The following SMS variants were observed in gnomAD, a reference collection of about 807,000 sequenced individuals.
SMS encodes the protein spermine synthase, also known as spermidine aminopropyltransferase.
In SMS, 3 loss-of-function variants were observed where a neutral mutation model predicts 33.0. That is an observed-to-expected ratio of 0.09 (90% CI 0.04 to 0.23). The LOEUF (loss-of-function observed/expected upper bound fraction) is 0.23, where lower values mean the gene tolerates loss of function less well. SMS is among the 10% of genes least tolerant of loss of function. The pLI is 1.00. For synonymous variants in SMS, 103 were observed against 112.2 expected (o/e 0.92, Z 0.52); for missense variants, 117 against 288.6 (o/e 0.41, Z 4.31).
chrX:21,943,032 A>G (rs1921934388), intron 1 of SMS, among the ~76,000 whole-genome samples: 1 of 109,733 alleles, frequency 9.1e-6, no homozygotes, highest in Non-Finnish European at 1.9e-5. Flanking sequence ...TTTAAAGTAG[A>G]GACAGGGTTT....
chrX:21,960,356 C>A (rs2147501229), intron 1 of SMS, among the ~76,000 whole-genome samples: 1 of 107,388 alleles, frequency 9.3e-6, no homozygotes, highest in African/African-American at 3.4e-5. Flanking sequence ...TGCTCCTTGA[C>A]CATGAGAGAG....
intron 1 of SMS, among the ~76,000 whole-genome samples, chrX:21,942,143 G>A (rs1366180386): frequency 9.1e-6 from 1 of 110,139 alleles, no homozygotes; most frequent in Admixed American, 9.7e-5. Flanking sequence ...GGAGTGTCTC[G>A]CTCATACCTT....
chrX:21,956,940 G>C (rs1009537820), intron 1 of SMS, among the ~76,000 whole-genome samples: 3 of 111,912 alleles, frequency 2.7e-5, no homozygotes, highest in Non-Finnish European at 5.6e-5. Context: ...AGGCACTTTA[G>C]TGTTAGGAAA....
Position 21,956,189 on chromosome X carries a change from G to A in SMS, c.50-11007G>A, listed in dbSNP as rs770039321. Among the ~76,000 whole-genome samples the A allele has an allele frequency of 1.7e-4, 19 of 112,764 alleles. No homozygotes were observed. The East Asian group carries it at 2.5e-3, about 15-fold the overall frequency. On this transcript the variant is annotated intron_variant, in intron 1 of 10. Transcript: ENST00000404933. Reference sequence around the variant, plus strand: ...ATGTTTGCATGAAAAGAGCTTGGGTGTCATTTCTGTGTTGGTGTTGTGTTT... The same window carrying A: ...ATGTTTGCATGAAAAGAGCTTGGGTATCATTTCTGTGTTGGTGTTGTGTTT...
At chrX:21,973,427 A>ACT (rs1367998061) in intron 4 of SMS, among the ~76,000 whole-genome samples, 1 of 112,534 alleles carries the variant, frequency 8.9e-6, no homozygotes, top group Non-Finnish European at 1.9e-5. Flanking sequence ...ACAGAGTGAA[A>ACT]CTCGCCTCAA....
At chrX:21,973,853 C>T (rs190076873) in intron 4 of SMS, among the ~76,000 whole-genome samples, 394 of 113,260 alleles carry the variant, frequency 3.5e-3, no homozygotes, top group African/African-American at 0.012. Flanking sequence ...CGGACACTGC[C>T]GAAGTGTTTG....
chrX:21,953,890 ATTT>A (rs10599284), intron 1 of SMS, among the ~76,000 whole-genome samples: 14,541 of 90,041 alleles, frequency 0.16, 898 homozygotes, highest in Non-Finnish European at 0.18. Flanking sequence ...AATTTTATTG[ATTT>A]TTTTTTTTTT....
intron 5 of SMS, among the ~76,000 whole-genome samples, chrX:21,977,459 T>G (rs1569351323): frequency 8.9e-6 from 1 of 111,767 alleles, no homozygotes; most frequent in African/African-American, 3.3e-5. Flanking sequence ...TTGGATTGTA[T>G]TTCAAAAGAA....
chrX:21,947,376 G>C (rs757465572), intron 1 of SMS, among the ~76,000 whole-genome samples: 13 of 111,281 alleles, frequency 1.2e-4, no homozygotes, highest in Non-Finnish European at 2.4e-4. Flanking sequence ...AGGGGGGTGA[G>C]TTCCTGGATT....
At chrX:21,947,398 A>G (rs1166108707) in intron 1 of SMS, among the ~76,000 whole-genome samples, 2 of 111,397 alleles carry the variant, frequency 1.8e-5, no homozygotes, top group Non-Finnish European at 3.8e-5. Context: ...TGCATTTTTA[A>G]TCATCTGCCT....
In SMS at chrX:21,959,586, T is replaced by C. The variant is rs192862008; in HGVS notation, c.50-7610T>C. Reference sequence around the variant, plus strand: ...TGTACCAGTTCTGAGTTTTGACCAATGCATACAGTTGTGTAACCACCACTA... The same window carrying C: ...TGTACCAGTTCTGAGTTTTGACCAACGCATACAGTTGTGTAACCACCACTA... On this transcript the variant is annotated intron_variant, in intron 1 of 10. Transcript: ENST00000404933. Among the ~76,000 whole-genome samples, 294 of 112,766 alleles carry C rather than the reference T, an allele frequency of 2.6e-3. 3 individuals carry two copies. Among genetic ancestry groups the C allele is most frequent in the African/African-American group, 9.1e-3 (281 of 31,039 alleles).
At chrX:21,964,291 G>C (rs1360814595) in intron 1 of SMS, among the ~76,000 whole-genome samples, 1 of 111,420 alleles carries the variant, frequency 9.0e-6, no homozygotes, top group Non-Finnish European at 1.9e-5. Context: ...TGCTTGTGCT[G>C]CTGTGGGAGT....
chrX:21,979,267 A>G (rs1300462942), intron 7 of SMS, among the ~76,000 whole-genome samples: 1 of 109,912 alleles, frequency 9.1e-6, no homozygotes, highest in Non-Finnish European at 1.9e-5. Flanking sequence ...TACACGTGCC[A>G]TGGTGGTTTG....
intron 7 of SMS, among the ~76,000 whole-genome samples, chrX:21,983,998 G>T (rs1925157217): frequency 8.9e-6 from 1 of 112,287 alleles, no homozygotes; most frequent in Admixed American, 9.5e-5. Flanking sequence ...TATACTTCGT[G>T]GATCTATGGG....
At chrX:21,973,062 A>G (rs1174653908) in intron 4 of SMS, among the ~76,000 whole-genome samples, 3 of 111,705 alleles carry the variant, frequency 2.7e-5, no homozygotes, top group Admixed American at 1.9e-4. Flanking sequence ...AAAACAAGAC[A>G]GTGTATGAAC....
At chrX:21,972,947 A>G (rs764246500) in intron 4 of SMS, among the ~76,000 whole-genome samples, 1 of 108,070 alleles carries the variant, frequency 9.3e-6, no homozygotes, top group African/African-American at 3.4e-5. Context: ...AAAATTCAGA[A>G]TGGCAGTGTG....
intron 7 of SMS, among the ~76,000 whole-genome samples, chrX:21,980,429 A>AAAAATATATAT (rs1260210326): frequency 0.036 from 2,252 of 62,691 alleles, 115 homozygotes; most frequent in East Asian, 0.077. Context: ...AAAAAAAAAA[A>AAAAATATATAT]ATATATATAT....
intron 4 of SMS, among the ~76,000 whole-genome samples, chrX:21,973,243 C>T (rs940533405): frequency 9.8e-5 from 11 of 112,495 alleles, no homozygotes; most frequent in African/African-American, 2.9e-4. Flanking sequence ...CGAGACCAGC[C>T]TGACCAACAT....
At chrX:21,980,429 A>AATAT (rs1187267102) in intron 7 of SMS, among the ~76,000 whole-genome samples, 58 of 63,025 alleles carry the variant, frequency 9.2e-4, no homozygotes, top group Non-Finnish European at 1.0e-3. Flanking sequence ...AAAAAAAAAA[A>AATAT]ATATATATAT....
Sources: gnomAD v4.1 joint callset for allele counts (sites outside exome capture counted in the v4.1 genomes callset) on GRCh38, gnomAD v4.1.1 for gene constraint, MANE v1.5 for transcripts, NCBI Gene and HGNC (gene_info 2026-07-23, HGNC 2026-07-21) for gene names.